The following MLIP variants were observed in gnomAD, a reference collection of about 807,000 sequenced individuals.
MLIP encodes the protein muscular LMNA-interacting protein.
A neutral mutation model predicts 84.8 loss-of-function variants in MLIP; 79 were observed. The ratio of observed to expected loss-of-function variants is 0.93; its 90% confidence interval spans 0.78 to 1.12. The LOEUF is 1.12. Ranked by LOEUF, MLIP falls within the 50% of genes most tolerant of loss-of-function variation. The pLI is 0.00. For missense variants in MLIP, 1,257 were observed against 1,160.6 expected (o/e 1.08, Z -1.21); for synonymous variants, 504 against 463.0 (o/e 1.09, Z -1.14).
intron 1 of MLIP, among the ~76,000 whole-genome samples, chr6:54,032,209 T>C (rs1374510230): frequency 6.6e-6 from 1 of 152,136 alleles, no homozygotes; most frequent in Non-Finnish European, 1.5e-5. Context: ...CTTGTGAAAA[T>C]TAAGTAATAT....
chr6:54,137,946 G>A lies in MLIP; in HGVS notation c.1877G>A (p.Arg626Lys). The A allele has an allele frequency of 6.5e-7, 1 of 1,536,088 alleles. No individual in the cohort carries two copies. Residue 626 changes from arginine (R) to lysine (K), a missense_variant, in exon 4 of 14, where the codon AGA becomes AAA. Physicochemically the swap from Arg to Lys is conservative, Grantham distance 26 (BLOSUM62 2). Transcript: ENST00000502396. Reference sequence around the variant, plus strand: ...TCAAGCCTGATAAACAGATCTAAAAGAGCATCATCCCAACTATCTGGCCAG... The same window carrying A: ...TCAAGCCTGATAAACAGATCTAAAAAAGCATCATCCCAACTATCTGGCCAG... ...ALSSLINRSK[R>K]ASSQLSGQEL...
rs1771834844 is a variant in MLIP at position 54,136,805 on chromosome 6, G to A, written c.736G>A (p.Asp246Asn). ...TCCAACTAATCCGAACACACCACCC[G>A]ACCCAGTTAACCTCGAGGGAGCCTC... Reference protein sequence around the residue: ...VSPTNPNTPPDPVNLEGASVL... With the variant: ...VSPTNPNTPPNPVNLEGASVL... Residue 246 changes from aspartate (D) to asparagine (N), a missense_variant, in exon 4 of 14, where the codon GAC (aspartate) becomes AAC (asparagine). Coordinates refer to ENST00000502396, the MANE Select transcript of MLIP (RefSeq NM_001281747.2). The A allele has an allele frequency of 2.0e-6, 3 of 1,528,806 alleles. No individual in the cohort carries two copies. The highest frequency in any genetic ancestry group is 1.2e-5 in the South Asian group (1 of 83,908). 94.7% of individuals were successfully genotyped at this position (1,528,806 alleles called of 1,614,324 possible).
chr6:54,215,634 T>C (rs1216758954), intron 11 of MLIP: 1 of 161,274 alleles, frequency 6.2e-6, no homozygotes, highest in African/African-American at 2.4e-5. Flanking sequence ...TGAGGACACA[T>C]AAAATCTATT....
upstream of MLIP, among the ~76,000 whole-genome samples, chr6:54,110,280 G>A (rs1479315335): frequency 6.6e-6 from 1 of 151,932 alleles, no homozygotes; most frequent in Non-Finnish European, 1.5e-5. Context: ...ACGGCGCCTG[G>A]CCAGTATAGG....
At chr6:54,186,178 A>C (rs2150658324) in intron 9 of MLIP, among the ~76,000 whole-genome samples, 1 of 152,368 alleles carries the variant, frequency 6.6e-6, no homozygotes, top group East Asian at 1.9e-4. Flanking sequence ...TGAGGCTTTC[A>C]GTTTTCAGTT....
chr6:54,051,837 G>A (rs1003305242), intron 1 of MLIP, among the ~76,000 whole-genome samples: 12 of 152,066 alleles, frequency 7.9e-5, no homozygotes, highest in Non-Finnish European at 1.2e-4. Context: ...CACTTAGTAC[G>A]GACTGGCATT....
chr6:54,057,152 T>A (rs1043559987), intron 1 of MLIP, among the ~76,000 whole-genome samples: 22 of 152,194 alleles, frequency 1.4e-4, no homozygotes, highest in African/African-American at 5.3e-4. Context: ...AGAAATTAAA[T>A]GACTTGCCCA....
At position 54,136,864 on chromosome 6, in the gene MLIP, T is replaced by C; in HGVS notation, c.795T>C (p.Asp265=). 1 of 1,535,242 alleles carries C rather than the reference T, an allele frequency of 6.5e-7. No homozygotes were observed. The highest frequency in any genetic ancestry group is 8.7e-7 in the Non-Finnish European group (1 of 1,146,156). Residue 265 remains aspartate (D), a synonymous_variant, in exon 4 of 14, where the codon GAT becomes GAC. Coordinates refer to ENST00000502396, the MANE Select transcript of MLIP (RefSeq NM_001281747.2). ...AGGAGTTCCACACTAGGAGGCTGGA[T>C]GTCGGTGGGGCCGTGGTGGAAGAAT... ...VLEEFHTRRL[D]VGGAVVEESA...
At chr6:54,252,194 ATATATTATAACATATAATATATAAC>A (rs1210263274) in intron 12 of MLIP, among the ~76,000 whole-genome samples, 1 of 107,462 alleles carries the variant, frequency 9.3e-6, no homozygotes, top group Non-Finnish European at 1.6e-5. Flanking sequence ...TATAACTATA[ATATATTATAACATATAATATATAAC>A]TATATTATAA....
At chr6:54,124,930 C>T (rs1033643211) in intron 3 of MLIP, 65 bp downstream of exon 3, 20 of 1,451,504 alleles carry the variant, frequency 1.4e-5, no homozygotes, top group Admixed American at 1.2e-4. Flanking sequence ...TTGTCTTGGG[C>T]GGTCTGCAAA....
chr6:54,078,465 T>A (rs1766936898), intron 1 of MLIP, among the ~76,000 whole-genome samples: 1 of 152,016 alleles, frequency 6.6e-6, no homozygotes, highest in African/African-American at 2.4e-5. Flanking sequence ...ACAACTGCGG[T>A]CCCAGCTACT....
Position 54,137,429 on chromosome 6 carries a change from A to C in MLIP, c.1360A>C (p.Lys454Gln). 6.5e-7 allele frequency: 1 copy of C among 1,535,918 alleles called. No homozygotes were observed. Among genetic ancestry groups the C allele is most frequent in the Non-Finnish European group, 8.7e-7 (1 of 1,146,836 alleles). ...CTCTTCCACGCTCACACTTGACCAA[A>C]AAGAAAAGCAGACCCCACCCACGCC... is the stretch of plus-strand genomic sequence containing the variant. ...PASSTLTLDQ[K>Q]EKQTPPTPKK... The change falls in exon 4 of 14, where the codon AAA (lysine) becomes CAA (glutamine). Residue 454 changes from lysine to glutamine, a missense_variant. Physicochemically the swap from Lys to Gln is moderately conservative, Grantham distance 53. Transcript: ENST00000502396.
intron 13 of MLIP, 52 bp from the exon 14 acceptor site, chr6:54,265,898 A>G: frequency 4.5e-6 from 7 of 1,542,344 alleles, no homozygotes; most frequent in Non-Finnish European, 6.2e-6. Flanking sequence ...TCAGGTGTAT[A>G]TTTTTAAATT....
At chr6:54,054,762 T>A (rs1214373316) in intron 1 of MLIP, among the ~76,000 whole-genome samples, 1 of 152,166 alleles carries the variant, frequency 6.6e-6, no homozygotes, top group African/African-American at 2.4e-5. Context: ...TAAAGCATCT[T>A]TTCTCTAACG....
chr6:54,256,322 G>C (rs1015983479), intron 12 of MLIP, among the ~76,000 whole-genome samples: 1 of 152,160 alleles, frequency 6.6e-6, no homozygotes, highest in Non-Finnish European at 1.5e-5. Flanking sequence ...CCCTGGGTAG[G>C]CTAAATTACT....
chr6:54,089,072 T>C (rs1767687639), intron 1 of MLIP, among the ~76,000 whole-genome samples: 1 of 152,312 alleles, frequency 6.6e-6, no homozygotes, highest in East Asian at 1.9e-4. Context: ...ACTTTGTTCC[T>C]ATAACGACAT....
chr6:54,199,522 A>G (rs1317676899), intron 10 of MLIP, among the ~76,000 whole-genome samples: 3 of 152,126 alleles, frequency 2.0e-5, no homozygotes, highest in African/African-American at 7.2e-5. Flanking sequence ...TTTGAAGCAC[A>G]TGAAAAGGCA....
chr6:54,202,826 C>T (rs777464925), intron 11 of MLIP, among the ~76,000 whole-genome samples: 15 of 152,212 alleles, frequency 9.9e-5, no homozygotes, highest in Non-Finnish European at 1.6e-4. Context: ...GAAGCCCAGG[C>T]GGTTGAGGCT....
chr6:54,056,288 G>T (rs1765655250), intron 1 of MLIP, among the ~76,000 whole-genome samples: 1 of 152,140 alleles, frequency 6.6e-6, no homozygotes, highest in Non-Finnish European at 1.5e-5. Flanking sequence ...TTGAGGAATT[G>T]AAAGATTTCA....
Sources: gnomAD v4.1 joint callset for allele counts (sites outside exome capture counted in the v4.1 genomes callset) on GRCh38, gnomAD v4.1.1 for gene constraint, MANE v1.5 for transcripts, NCBI Gene and HGNC (gene_info 2026-07-23, HGNC 2026-07-21) for gene names.